Variants in ZFYVE9 observed in about 807,000 individuals in gnomAD.
The protein encoded by ZFYVE9 is zinc finger FYVE-type containing 9.
A neutral mutation model predicts 126.7 loss-of-function variants in ZFYVE9; 43 were observed. That is an observed-to-expected ratio of 0.34 (90% CI 0.27 to 0.44). ZFYVE9 has a LOEUF of 0.44. Among genes scored for constraint, ZFYVE9 ranks in the 20% least tolerant of loss-of-function variants. ZFYVE9 has a pLI of 1.00. For missense variants in ZFYVE9, 1,476 were observed against 1,697.0 expected, an observed-to-expected ratio of 0.87 and a Z score of 2.29; for synonymous variants, 521 against 597.4, an observed-to-expected ratio of 0.87 and a Z score of 1.87.
Position 52,266,405 on chromosome 1 carries a change from TAAAA to T in ZFYVE9, c.2279-224_2279-221del, listed in dbSNP as rs33996604. On this transcript the variant is annotated intron_variant, in intron 5 of 18. Transcript: ENST00000287727. Reference sequence around the variant, plus strand: ...AGCCACCACTCCCGGTCTAATTCTTTAAAAAAAAAAAAAAAAAAAAAAAAAAAAA... The same window carrying T: ...AGCCACCACTCCCGGTCTAATTCTTTAAAAAAAAAAAAAAAAAAAAAAAAA... Among the ~76,000 whole-genome samples the T allele has an allele frequency of 1.8e-3, 151 of 85,632 alleles. 1 individual carries two copies. Among genetic ancestry groups the T allele is most frequent in the Middle Eastern group, 6.0e-3 (1 of 166 alleles). The allele number at this position is 85,632 out of a possible 152,430, so 56.2% of individuals were successfully genotyped here.
chr1:52,219,492 A>G (rs545234092), intron 2 of ZFYVE9, among the ~76,000 whole-genome samples: 140 of 151,880 alleles, frequency 9.2e-4, no homozygotes, highest in Non-Finnish European at 1.5e-3. Context: ...AGTATTAGAT[A>G]AGGTCCTTCC....
chr1:52,233,190 G>A lies in ZFYVE9; in HGVS notation c.-17G>A. 6.4e-7 allele frequency: 1 copy of A among 1,550,872 alleles called. No individual in the cohort carries two copies. The highest frequency in any genetic ancestry group is 8.7e-7 in the Non-Finnish European group (1 of 1,145,322). On this transcript the variant is annotated 5_prime_UTR_variant, in exon 3 of 19. In the 5' UTR this introduces an upstream ATG that the reference lacks. Transcript: ENST00000287727. ...TTTTAGGTTTAAACAAGTCTCTTAA[G>A]TGGTGTTTCCTCACCGATGGAGAAT... is the stretch of plus-strand genomic sequence containing the variant.
intron 10 of ZFYVE9, among the ~76,000 whole-genome samples, chr1:52,292,935 C>G (rs542118787): frequency 6.6e-6 from 1 of 152,174 alleles, no homozygotes; most frequent in Non-Finnish European, 1.5e-5. Context: ...TCATTAGAAG[C>G]CCTGATAAAA....
At chr1:52,173,637 T>A (rs1165697416) in intron 1 of ZFYVE9, among the ~76,000 whole-genome samples, 1 of 152,070 alleles carries the variant, frequency 6.6e-6, no homozygotes, top group Non-Finnish European at 1.5e-5. Flanking sequence ...GGTCCTGGAC[T>A]CTTTTTGGTT....
At chr1:52,285,167 T>C (rs1645845617) in intron 10 of ZFYVE9, among the ~76,000 whole-genome samples, 1 of 152,188 alleles carries the variant, frequency 6.6e-6, no homozygotes, top group East Asian at 1.9e-4. Flanking sequence ...GTCAGTTGCC[T>C]CTGTGTACCA....
intron 4 of ZFYVE9, among the ~76,000 whole-genome samples, chr1:52,247,048 C>T (rs56932484): frequency 0.018 from 2,727 of 151,874 alleles, 87 homozygotes; most frequent in East Asian, 0.12. Flanking sequence ...AGGCTGGTCT[C>T]GAAATCCTGG....
chr1:52,296,069 C>G (rs915649057), intron 12 of ZFYVE9, 92 bp downstream of exon 12: 24 of 1,133,944 alleles, frequency 2.1e-5, no homozygotes, highest in Non-Finnish European at 3.1e-5. Context: ...TAGCTGTGCC[C>G]AAGCTGCTTA....
intron 1 of ZFYVE9, among the ~76,000 whole-genome samples, chr1:52,206,747 G>A (rs551155280): frequency 1.8e-4 from 27 of 152,106 alleles, no homozygotes; most frequent in South Asian, 6.2e-4. Flanking sequence ...ACGGGGTTTC[G>A]CCATGTTGGC....
At chr1:52,341,076 C>T (rs1273230610) in intron 17 of ZFYVE9, among the ~76,000 whole-genome samples, 1 of 151,970 alleles carries the variant, frequency 6.6e-6, no homozygotes, top group Non-Finnish European at 1.5e-5. Context: ...CAAAATTAGC[C>T]GGGCATGGTG....
chr1:52,271,613 A>G (rs1470377334), intron 7 of ZFYVE9, among the ~76,000 whole-genome samples: 1 of 152,142 alleles, frequency 6.6e-6, no homozygotes, highest in African/African-American at 2.4e-5. Flanking sequence ...TTTTTATGAT[A>G]TTAAAAGGAG....
chr1:52,333,566 G>A (rs1180341038), intron 14 of ZFYVE9, among the ~76,000 whole-genome samples: 1 of 152,144 alleles, frequency 6.6e-6, no homozygotes, highest in African/African-American at 2.4e-5. Context: ...GAGAAGCATT[G>A]CTCAAGAGGC....
Position 52,254,715 on chromosome 1 carries a change from C to G in ZFYVE9, c.2179-9058C>G, listed in dbSNP as rs142869257. Among the ~76,000 whole-genome samples the G allele has an allele frequency of 1.4e-3, 212 of 152,088 alleles. 6 individuals are homozygous for G. The East Asian group carries it at 0.04, about 28-fold the overall frequency. ...GGTGTGGTGGCTCATTCCTGTAATCCCAGCCCTTTGGGAGGCCAAGGTGAG... is the reference window on the plus strand; with the variant it reads ...GGTGTGGTGGCTCATTCCTGTAATCGCAGCCCTTTGGGAGGCCAAGGTGAG... On this transcript the variant is annotated intron_variant, in intron 4 of 18. Coordinates refer to ENST00000287727, the MANE Select transcript of ZFYVE9 (RefSeq NM_004799.4).
intron 1 of ZFYVE9, among the ~76,000 whole-genome samples, chr1:52,203,637 T>TA (rs1032775156): frequency 8.6e-5 from 13 of 151,714 alleles, no homozygotes; most frequent in Non-Finnish European, 1.8e-4. Flanking sequence ...AAATTTTCAG[T>TA]CATTTTAGTT....
At chr1:52,258,375 T>C (rs977151654) in intron 4 of ZFYVE9, among the ~76,000 whole-genome samples, 1 of 152,166 alleles carries the variant, frequency 6.6e-6, no homozygotes, top group African/African-American at 2.4e-5. Context: ...AGATGGTATA[T>C]GGAATATAGT....
At chr1:52,223,343 A>G (rs939477939) in intron 2 of ZFYVE9, among the ~76,000 whole-genome samples, 13 of 152,222 alleles carry the variant, frequency 8.5e-5, no homozygotes, top group African/African-American at 3.1e-4. Context: ...TCAGACAGCC[A>G]GGTGCTTAGA....
chr1:52,149,418 G>A (rs776781911), intron 1 of ZFYVE9, among the ~76,000 whole-genome samples: 45 of 152,092 alleles, frequency 3.0e-4, no homozygotes, highest in Non-Finnish European at 6.2e-4. Flanking sequence ...TTAAGAAAAG[G>A]CAATTGTAAT....
chr1:52,177,948 T>TTG (rs1053674511), intron 1 of ZFYVE9, among the ~76,000 whole-genome samples: 2 of 151,748 alleles, frequency 1.3e-5, no homozygotes, highest in African/African-American at 4.8e-5. Context: ...AGTTTTGTTT[T>TTG]TTTTTTTTTT....
chr1:52,201,915 C>T (rs1356997581), intron 1 of ZFYVE9, among the ~76,000 whole-genome samples: 3 of 151,680 alleles, frequency 2.0e-5, no homozygotes, highest in East Asian at 3.9e-4. Context: ...TCCTGAGTAG[C>T]TGGAATTACA....
At chr1:52,345,087 A>G in intron 18 of ZFYVE9, 143 bp downstream of exon 18, 1 of 839,342 alleles carries the variant, frequency 1.2e-6, no homozygotes, top group Non-Finnish European at 1.9e-6. Flanking sequence ...CCCTCTCTTT[A>G]ATAGTACTAT....
Sources: allele counts gnomAD v4.1 joint callset (sites outside exome capture counted in the v4.1 genomes callset), GRCh38; gene constraint gnomAD v4.1.1; transcripts MANE v1.5; gene names NCBI Gene and HGNC (gene_info 2026-07-23, HGNC 2026-07-21).